Variants in CCSER1 observed in about 807,000 individuals in gnomAD.
CCSER1 encodes coiled-coil serine rich protein 1.
Under a neutral mutation model 82.0 loss-of-function variants are expected in CCSER1, and 41 were observed. That is an observed-to-expected ratio of 0.50 (90% CI 0.39 to 0.65). The LOEUF (loss-of-function observed/expected upper bound fraction) is 0.65, where lower values mean the gene tolerates loss of function less well. Among genes scored for constraint, CCSER1 ranks in the 30% least tolerant of loss-of-function variants. The probability of loss-of-function intolerance (pLI) is 0.00; values close to 1 mark genes in which losing one functional copy is unlikely to be tolerated. For missense variants in CCSER1, 1,119 were observed against 1,064.2 expected (o/e 1.05, Z -0.72); for synonymous variants, 414 against 383.9 (o/e 1.08, Z -0.92).
intron 1 of CCSER1, among the ~76,000 whole-genome samples, chr4:90,292,923 T>TATTTTA (rs1731189711): frequency 6.6e-6 from 1 of 151,982 alleles, no homozygotes; most frequent in African/African-American, 2.4e-5. Context: ...TTTACTATCC[T>TATTTTA]AACATGTATT....
At chr4:90,610,519 C>A (rs1270586412) in intron 5 of CCSER1, among the ~76,000 whole-genome samples, 1 of 151,988 alleles carries the variant, frequency 6.6e-6, no homozygotes, top group African/African-American at 2.4e-5. Flanking sequence ...TATTTTAGCT[C>A]TTTTTGCTTT....
At chr4:90,616,710 C>G (rs1721293300) in intron 5 of CCSER1, among the ~76,000 whole-genome samples, 2 of 124,670 alleles carry the variant, frequency 1.6e-5, no homozygotes, top group African/African-American at 7.4e-5. Context: ...CACACACACA[C>G]ACACACACAC....
intron 8 of CCSER1, among the ~76,000 whole-genome samples, chr4:90,839,301 T>C (rs1293295610): frequency 6.6e-6 from 1 of 152,230 alleles, no homozygotes; most frequent in East Asian, 1.9e-4. Context: ...GATAAGTTTA[T>C]CAAACGTGTA....
chr4:91,400,591 G>T (rs1009044691), intron 10 of CCSER1, among the ~76,000 whole-genome samples: 3 of 149,468 alleles, frequency 2.0e-5, no homozygotes, highest in Non-Finnish European at 3.0e-5. Context: ...ATTAACAATA[G>T]TTAAAATATT....
At chr4:91,227,553 G>GT (rs1738301486) in intron 10 of CCSER1, among the ~76,000 whole-genome samples, 1 of 150,812 alleles carries the variant, frequency 6.6e-6, no homozygotes, top group African/African-American at 2.4e-5. Flanking sequence ...TACATGTACT[G>GT]GTTTTTTTTT....
At chr4:90,154,003 GGTTTTAGGTCTAAC>G (rs1190176884) in intron 1 of CCSER1, among the ~76,000 whole-genome samples, 2 of 151,672 alleles carry the variant, frequency 1.3e-5, no homozygotes, top group Admixed American at 1.3e-4. Flanking sequence ...GGGTTTTTAA[GGTTTTAGGTCTAAC>G]GTTTAAGTCT....
At chr4:91,439,420 C>A (rs1216255387) in intron 10 of CCSER1, among the ~76,000 whole-genome samples, 1 of 152,066 alleles carries the variant, frequency 6.6e-6, no homozygotes, top group Admixed American at 6.6e-5. Context: ...CCTTTACAGA[C>A]AAGCAAATGC....
intron 9 of CCSER1, among the ~76,000 whole-genome samples, chr4:90,945,907 TTACTC>T (rs1244016096): frequency 1.3e-5 from 2 of 152,164 alleles, no homozygotes; most frequent in South Asian, 4.1e-4. Context: ...TATAAAGTAA[TTACTC>T]TATATGATTT....
intron 7 of CCSER1, among the ~76,000 whole-genome samples, chr4:90,783,451 G>A (rs1353748377): frequency 6.6e-6 from 1 of 152,164 alleles, no homozygotes; most frequent in Non-Finnish European, 1.5e-5. Flanking sequence ...TGAATGCTGA[G>A]TGTGGACTAG....
intron 10 of CCSER1, among the ~76,000 whole-genome samples, chr4:91,566,253 G>T (rs1259177789): frequency 2.6e-5 from 4 of 152,130 alleles, no homozygotes; most frequent in African/African-American, 9.7e-5. Flanking sequence ...CTTGTGCATG[G>T]TGGATTGGCT....
intron 10 of CCSER1, among the ~76,000 whole-genome samples, chr4:91,154,871 T>G (rs530774389): frequency 6.6e-5 from 10 of 152,026 alleles, no homozygotes; most frequent in African/African-American, 2.4e-4. Flanking sequence ...TGTACTATAT[T>G]AAGGCAATCT....
intron 10 of CCSER1, among the ~76,000 whole-genome samples, chr4:91,091,310 AG>A (rs1382682692): frequency 6.6e-6 from 1 of 152,160 alleles, no homozygotes; most frequent in Non-Finnish European, 1.5e-5. Context: ...GGAGGTTCAG[AG>A]GGGTCATAGC....
chr4:91,294,646 T>C (rs1744023008), intron 10 of CCSER1, among the ~76,000 whole-genome samples: 2 of 151,868 alleles, frequency 1.3e-5, no homozygotes, highest in African/African-American at 2.4e-5. Context: ...CTGATGTTTC[T>C]TGGCTTGTGA....
intron 1 of CCSER1, among the ~76,000 whole-genome samples, chr4:90,199,492 A>G (rs1737241204): frequency 6.6e-6 from 1 of 152,206 alleles, no homozygotes; most frequent in South Asian, 2.1e-4. Flanking sequence ...ATTTGTTAAC[A>G]TGAAACAATT....
At chr4:90,785,534 C>T (rs1271034153) in intron 7 of CCSER1, among the ~76,000 whole-genome samples, 1 of 152,090 alleles carries the variant, frequency 6.6e-6, no homozygotes, top group Non-Finnish European at 1.5e-5. Flanking sequence ...TAATATAATA[C>T]CATTAAAGTG....
At chr4:90,547,899 C>T (rs893368335) in intron 5 of CCSER1, among the ~76,000 whole-genome samples, 10 of 152,096 alleles carry the variant, frequency 6.6e-5, no homozygotes, top group Non-Finnish European at 1.5e-4. Flanking sequence ...ATATGCCTAA[C>T]TGGTATGTGA....
chr4:90,370,534 T>C (rs1441242199), intron 3 of CCSER1: 1 of 152,064 alleles, frequency 6.6e-6, no homozygotes, highest in African/African-American at 2.4e-5. Flanking sequence ...TCCATTTTAA[T>C]AGTAAAATTA....
At chr4:91,441,500 T>C (rs4535306) in intron 10 of CCSER1, among the ~76,000 whole-genome samples, 115,334 of 151,632 alleles carry the variant, frequency 0.76, 44,164 homozygotes, top group East Asian at 0.92. Context: ...TATGACAAAC[T>C]CACAGCCAAT....
At chr4:90,608,364 C>T (rs1785010032) in intron 5 of CCSER1, among the ~76,000 whole-genome samples, 1 of 152,126 alleles carries the variant, frequency 6.6e-6, no homozygotes, top group African/African-American at 2.4e-5. Context: ...AGGACCATAC[C>T]TTTCTGATGC....
Sources: allele counts gnomAD v4.1 joint callset (sites outside exome capture counted in the v4.1 genomes callset), GRCh38; gene constraint gnomAD v4.1.1; transcripts MANE v1.5; gene names NCBI Gene and HGNC (gene_info 2026-07-23, HGNC 2026-07-21).